Variants in SBNO1 observed in about 807,000 individuals in gnomAD.
The protein encoded by SBNO1 is protein strawberry notch homolog 1.
Under a neutral mutation model 173.6 loss-of-function variants are expected in SBNO1, and 23 were observed. That is an observed-to-expected ratio of 0.13 (90% CI 0.10 to 0.19). The LOEUF is 0.19. SBNO1 is among the 10% of genes least tolerant of loss of function. The probability of loss-of-function intolerance (pLI) is 1.00; values close to 1 mark genes in which losing one functional copy is unlikely to be tolerated. For missense variants in SBNO1, 1,238 were observed against 1,671.2 expected (o/e 0.74, Z 4.52); for synonymous variants, 632 against 571.5 (o/e 1.11, Z -1.51).
At position 123,290,742 on chromosome 12, in the gene SBNO1, C is replaced by CT. The variant is rs112885602; in HGVS notation, c.*5165dup. Reference sequence around the variant, plus strand: ...TTGTTCCTTAATGTACATTCTCTCTCTTTTTTTTTTTTCGAGACGGAGTCT... The same window carrying CT: ...TTGTTCCTTAATGTACATTCTCTCTCTTTTTTTTTTTTTCGAGACGGAGTCT... On this transcript the variant is annotated 3_prime_UTR_variant, in exon 32 of 32. Transcript: ENST00000602398. 0.064 allele frequency: 9,212 copies of CT among 144,948 alleles called. 312 individuals carry two copies. The highest frequency in any genetic ancestry group is 0.11 in the South Asian group (513 of 4,532). The allele number at this position is 144,948 out of a possible 1,614,324, so 9.0% of individuals were successfully genotyped here. A position where few individuals can be genotyped will look rare whatever the true frequency, so the allele number is the denominator to read the frequency against.
rs755848438 is a variant in SBNO1, at chr12:123,345,417, G to A, written c.391C>T (p.Arg131Cys). Reference protein sequence around the residue: ...TKFIQTTASTRPSVSAPTVRN... With the variant: ...TKFIQTTASTCPSVSAPTVRN... ...ACTGTTGGTGCTGAGACTGACGGGC[G>A]TGTGCTTGCAGTAGTCTGGATAAAC... is the stretch of plus-strand genomic sequence containing the variant. The change falls in exon 4 of 32, where the codon CGC (arginine) becomes TGC (cysteine). Residue 131 changes from arginine to cysteine, a missense_variant. Around this residue, in one of 14 missense-constraint regions of SBNO1, gnomAD observed 287 missense variants for 274.1 expected, o/e 1.05. Transcript: ENST00000602398. The A allele has an allele frequency of 8.7e-6, 14 of 1,614,180 alleles. No homozygotes were observed. In the South Asian group the frequency reaches 1.2e-4, roughly 14 times the overall value.
chr12:123,362,435 CAAAAAAAAAAAAAAAAAAAAA>C (rs56019572), intron 1 of SBNO1, among the ~76,000 whole-genome samples: 2 of 49,710 alleles, frequency 4.0e-5, no homozygotes, highest in East Asian at 1.8e-3. Flanking sequence ...GACTCCGTCT[CAAAAAAAAAAAAAAAAAAAAA>C]AAAAAAAAAA....
intron 2 of SBNO1, among the ~76,000 whole-genome samples, chr12:123,348,760 G>A (rs778251128): frequency 2.3e-4 from 35 of 150,484 alleles, no homozygotes; most frequent in Middle Eastern, 6.9e-3. Context: ...AGCGAGACTC[G>A]GTCTCAAAAA....
At chr12:123,323,480 G>A (rs187492187) in intron 16 of SBNO1, among the ~76,000 whole-genome samples, 200 bp downstream of exon 16, 17 of 151,870 alleles carry the variant, frequency 1.1e-4, no homozygotes, top group South Asian at 2.1e-4. Context: ...TCAGCCTCCC[G>A]AGTAGCTGGG....
chr12:123,361,429 T>C (rs1017417209), intron 1 of SBNO1, among the ~76,000 whole-genome samples: 3 of 151,580 alleles, frequency 2.0e-5, no homozygotes, highest in African/African-American at 7.3e-5. Flanking sequence ...ATGCTTGTAA[T>C]CCCAGCTACT....
At chr12:123,317,096 C>A in intron 21 of SBNO1, 125 bp downstream of exon 21, 2 of 996,442 alleles carry the variant, frequency 2.0e-6, no homozygotes, top group East Asian at 2.4e-5. Flanking sequence ...CAGTGGCCTC[C>A]CGAAATGTTG....
intron 1 of SBNO1, among the ~76,000 whole-genome samples, chr12:123,358,362 T>C (rs1251666861): frequency 6.6e-6 from 1 of 152,218 alleles, no homozygotes; most frequent in Non-Finnish European, 1.5e-5. Context: ...TCAACCCATA[T>C]ATGGGTGTGT....
At chr12:123,317,984 CA>C (rs1869489641) in intron 20 of SBNO1, among the ~76,000 whole-genome samples, 1 of 152,036 alleles carries the variant, frequency 6.6e-6, no homozygotes, top group African/African-American at 2.4e-5. Flanking sequence ...TTTTTTGAGA[CA>C]GGGTCTCACT....
chr12:123,345,573 A>G lies in SBNO1; in HGVS notation c.238-3T>C, dbSNP rs1345171892. On this transcript the variant is annotated splice_polypyrimidine_tract_variant and splice_region_variant and intron_variant, in intron 3 of 31. Coordinates refer to ENST00000602398, the MANE Select transcript of SBNO1 (RefSeq NM_001167856.3). ...GTTGTAGTAGATGGAGGCTGCTGCT[A>G]GATAGAAAACAAAAAACACACCACT... The G allele has an allele frequency of 6.2e-7, 1 of 1,610,162 alleles. No homozygotes were observed. Among genetic ancestry groups the G allele is most frequent in the Admixed American group, 1.7e-5 (1 of 59,702 alleles).
At chr12:123,317,652 C>A (rs531242182) in intron 20 of SBNO1, among the ~76,000 whole-genome samples, 1 of 152,250 alleles carries the variant, frequency 6.6e-6, no homozygotes, top group African/African-American at 2.4e-5. Context: ...GAGTCTGGAA[C>A]AGGTATCTTG....
Position 123,364,840 on chromosome 12 carries a change from A to T in SBNO1, c.-140T>A, listed in dbSNP as rs951564904. 1 of 932,976 alleles carries T rather than the reference A, an allele frequency of 1.1e-6. No individual in the cohort carries two copies. Among genetic ancestry groups the T allele is most frequent in the Admixed American group, 6.2e-5 (1 of 16,050 alleles). 57.8% of individuals were successfully genotyped at this position (932,976 alleles called of 1,614,324 possible). A position where few individuals can be genotyped will look rare whatever the true frequency, so the allele number is the denominator to read the frequency against. ...TGCCTACCTCCCCGCCGCCATCTTG[A>T]CGCCCCTCCCCCAGCCCCCCCGCCC... On this transcript the variant is annotated 5_prime_UTR_variant, in exon 1 of 32. Coordinates refer to ENST00000602398, the MANE Select transcript of SBNO1 (RefSeq NM_001167856.3).
intron 24 of SBNO1, among the ~76,000 whole-genome samples, chr12:123,311,720 C>CTATCTATCTATCTATCTA (rs1224940028): frequency 3.4e-4 from 43 of 127,444 alleles, no homozygotes; most frequent in African/African-American, 1.2e-3. Context: ...ATCTATCTAT[C>CTATCTATCTATCTATCTA]TATATATATA....
At chr12:123,343,328 A>T (rs1218216352) in intron 4 of SBNO1, among the ~76,000 whole-genome samples, 2 of 152,224 alleles carry the variant, frequency 1.3e-5, no homozygotes, top group Non-Finnish European at 2.9e-5. Flanking sequence ...TTTAACTGTG[A>T]AAGAGCCAGT....
intron 1 of SBNO1, among the ~76,000 whole-genome samples, chr12:123,359,707 T>C (rs529506739): frequency 1.3e-5 from 2 of 152,286 alleles, no homozygotes; most frequent in East Asian, 1.9e-4. Context: ...GTTAATTTGA[T>C]AGGTTTCATA....
chr12:123,320,479 G>A lies in SBNO1; in HGVS notation c.2620C>T (p.Leu874=). The change falls in exon 19 of 32, where the codon CTG becomes TTG. Residue 874 remains leucine (L), a synonymous_variant. Coordinates refer to ENST00000602398, the MANE Select transcript of SBNO1 (RefSeq NM_001167856.3). The part of the protein sequence containing the change: ...KLAEDLPPNT[L]DELIDELGGP... ...CCAAGTTCATCGATAAGTTCATCCA[G>A]GGTATTAGGGGGGAGGTCTTCAGCT... is the stretch of plus-strand genomic sequence containing the variant. 6.2e-7 allele frequency: 1 copy of A among 1,614,024 alleles called. No individual in the cohort carries two copies. Among genetic ancestry groups the A allele is most frequent in the South Asian group, 1.1e-5 (1 of 91,060 alleles).
chr12:123,343,962 G>A (rs1872827525), intron 4 of SBNO1, among the ~76,000 whole-genome samples: 1 of 152,140 alleles, frequency 6.6e-6, no homozygotes. Context: ...AAATGTGGGA[G>A]AATTTACTGT....
At chr12:123,360,604 C>A (rs1230458133) in intron 1 of SBNO1, among the ~76,000 whole-genome samples, 1 of 151,742 alleles carries the variant, frequency 6.6e-6, no homozygotes, top group Non-Finnish European at 1.5e-5. Context: ...ATCACCACGC[C>A]CAGCTAATTT....
intron 5 of SBNO1, among the ~76,000 whole-genome samples, chr12:123,339,014 T>C (rs1254412759): frequency 6.6e-6 from 1 of 151,444 alleles, no homozygotes; most frequent in Non-Finnish European, 1.5e-5. Flanking sequence ...TTTTGGTATA[T>C]AATGGACTGA....
intron 28 of SBNO1, among the ~76,000 whole-genome samples, chr12:123,308,026 C>T (rs867486362): frequency 6.6e-6 from 1 of 152,082 alleles, no homozygotes; most frequent in Non-Finnish European, 1.5e-5. Flanking sequence ...AAGCCAAGAT[C>T]GTGCCACTGC....
Sources: allele counts gnomAD v4.1 joint callset (sites outside exome capture counted in the v4.1 genomes callset), GRCh38; gene constraint gnomAD v4.1.1; regional missense constraint gnomAD v4.1.1; transcripts MANE v1.5; gene names NCBI Gene and HGNC (gene_info 2026-07-23, HGNC 2026-07-21).